SDK1: variants seen among roughly 807,000 people sequenced by gnomAD.
SDK1 encodes protein sidekick-1.
In SDK1, 157 loss-of-function variants were observed where a neutral mutation model predicts 245.5. The observed-to-expected ratio is 0.64, with a 90% CI of 0.56 to 0.73. SDK1 has a LOEUF of 0.73. SDK1 is among the 30% of genes least tolerant of loss of function. The probability of loss-of-function intolerance (pLI) is 0.00; values close to 1 mark genes in which losing one functional copy is unlikely to be tolerated. For missense variants in SDK1, 3,583 were observed against 3,002.3 expected (o/e 1.19, Z -4.52); for synonymous variants, 1,647 against 1,278.5 (o/e 1.29, Z -6.15).
At chr7:3,888,419 C>G (rs923253532) in intron 5 of SDK1, among the ~76,000 whole-genome samples, 5 of 152,204 alleles carry the variant, frequency 3.3e-5, no homozygotes, top group Non-Finnish European at 7.3e-5. Flanking sequence ...CTCTGCAAGG[C>G]TTATGCTGTT....
chr7:4,053,386 G>A (rs1374230038), intron 19 of SDK1, among the ~76,000 whole-genome samples: 1 of 152,008 alleles, frequency 6.6e-6, no homozygotes, highest in Non-Finnish European at 1.5e-5. Flanking sequence ...AAACGATGCA[G>A]TATGGCCTTT....
intron 1 of SDK1, among the ~76,000 whole-genome samples, chr7:3,524,153 C>G (rs557401984): frequency 2.6e-5 from 4 of 152,104 alleles, no homozygotes; most frequent in Non-Finnish European, 5.9e-5. Context: ...GCAAGAACTT[C>G]CCAGAATGAA....
chr7:3,722,318 G>A (rs926706651), intron 4 of SDK1, among the ~76,000 whole-genome samples: 4 of 152,138 alleles, frequency 2.6e-5, no homozygotes, highest in Non-Finnish European at 4.4e-5. Flanking sequence ...AAGAACAGTC[G>A]AAGAGGAGTG....
chr7:3,881,973 A>G (rs1457975995), intron 5 of SDK1, among the ~76,000 whole-genome samples: 2 of 152,124 alleles, frequency 1.3e-5, no homozygotes, highest in South Asian at 2.1e-4. Flanking sequence ...GAGACTGGGT[A>G]ATTTATAAAG....
At chr7:4,235,121 G>A (rs1360328101) in intron 41 of SDK1, among the ~76,000 whole-genome samples, 1 of 152,128 alleles carries the variant, frequency 6.6e-6, no homozygotes, top group Non-Finnish European at 1.5e-5. Context: ...GAATTCCGGG[G>A]TTGCTCTGTG....
chr7:3,839,813 T>A (rs1056332154), intron 5 of SDK1, among the ~76,000 whole-genome samples: 1 of 152,220 alleles, frequency 6.6e-6, no homozygotes, highest in African/African-American at 2.4e-5. Context: ...CAAACCAGTT[T>A]TTTTAACATT....
rs540083269 is a variant in SDK1 at position 3,507,948 on chromosome 7, G to T, written c.299-111132G>T. On this transcript the variant is annotated intron_variant, in intron 1 of 44. Transcript: ENST00000404826. Reference sequence around the variant, plus strand: ...ACCTATCTCGGTCTTAATCTCACTTGATTCCTGGTGGCATTTGACACTGCT... The same window carrying T: ...ACCTATCTCGGTCTTAATCTCACTTTATTCCTGGTGGCATTTGACACTGCT... Among the ~76,000 whole-genome samples the T allele has an allele frequency of 7.2e-5, 11 of 152,192 alleles. No homozygotes were observed. The South Asian group carries it at 2.3e-3, about 32-fold the overall frequency.
chr7:3,886,252 C>G (rs1781336470), intron 5 of SDK1, among the ~76,000 whole-genome samples: 1 of 152,174 alleles, frequency 6.6e-6, no homozygotes, highest in Non-Finnish European at 1.5e-5. Flanking sequence ...TCTGGAACAT[C>G]TGGTCATTGT....
intron 14 of SDK1, among the ~76,000 whole-genome samples, chr7:3,994,122 AC>A (rs1393818516): frequency 6.6e-6 from 1 of 152,076 alleles, no homozygotes; most frequent in East Asian, 1.9e-4. Context: ...TCTTCTTATC[AC>A]ACATGCTTTT....
intron 1 of SDK1, among the ~76,000 whole-genome samples, chr7:3,387,142 C>A (rs919562113): frequency 3.3e-5 from 5 of 152,152 alleles, no homozygotes; most frequent in Non-Finnish European, 7.4e-5. Context: ...GGCATGATTT[C>A]AGGCCCGACT....
At chr7:3,494,364 C>T (rs1001081105) in intron 1 of SDK1, among the ~76,000 whole-genome samples, 3 of 152,104 alleles carry the variant, frequency 2.0e-5, no homozygotes, top group African/African-American at 7.2e-5. Context: ...AAATTTTAGT[C>T]TTGGGACATT....
chr7:3,527,161 T>C (rs1783166256), intron 1 of SDK1, among the ~76,000 whole-genome samples: 1 of 152,244 alleles, frequency 6.6e-6, no homozygotes. Flanking sequence ...CACATTTCTT[T>C]TAATGTGTCA....
intron 7 of SDK1, among the ~76,000 whole-genome samples, chr7:3,954,684 A>G (rs895888775): frequency 1.1e-4 from 15 of 140,906 alleles, no homozygotes; most frequent in Non-Finnish European, 2.0e-4. Flanking sequence ...CACCCTCTAC[A>G]CTGCACCATT....
At chr7:4,065,024 A>G (rs1779779634) in intron 19 of SDK1, among the ~76,000 whole-genome samples, 1 of 152,198 alleles carries the variant, frequency 6.6e-6, no homozygotes, top group African/African-American at 2.4e-5. Flanking sequence ...ACAGCTAACA[A>G]TGATGTATAT....
Position 3,497,086 on chromosome 7 carries a change from A to G in SDK1, c.299-121994A>G, listed in dbSNP as rs535667492. On this transcript the variant is annotated intron_variant, in intron 1 of 44. Coordinates refer to ENST00000404826, the MANE Select transcript of SDK1 (RefSeq NM_152744.4). Reference sequence around the variant, plus strand: ...ACAGTTAAAATTGTTCTAGAGAAGAATGTTTATTAACAGACAAGACAGTGC... The same window carrying G: ...ACAGTTAAAATTGTTCTAGAGAAGAGTGTTTATTAACAGACAAGACAGTGC... Among the ~76,000 whole-genome samples the G allele has an allele frequency of 1.3e-5, 2 of 152,354 alleles. 1 individual carries two copies. The highest frequency in any genetic ancestry group is 4.8e-5 in the African/African-American group (2 of 41,584).
rs371843477 is a variant in SDK1 at position 4,005,449 on chromosome 7, G to A, written c.2132-5517G>A. Among the ~76,000 whole-genome samples the A allele has an allele frequency of 1.1e-4, 16 of 143,320 alleles. 1 individual carries two copies. The East Asian group carries it at 1.5e-3, about 14-fold the overall frequency. The allele number at this position is 143,320 out of a possible 152,430, so 94.0% of individuals were successfully genotyped here. On this transcript the variant is annotated intron_variant, in intron 14 of 44. Transcript: ENST00000404826. ...GTGTGTGTGTGTGTTAATACTTCTT[G>A]GGTATTGCAGGTACTTCCTGCTGCA...
chr7:3,635,537 T>C (rs192426576), intron 2 of SDK1, among the ~76,000 whole-genome samples: 1 of 152,354 alleles, frequency 6.6e-6, no homozygotes, highest in Admixed American at 6.5e-5. Context: ...GCATACACTT[T>C]GTCTTTTACT....
intron 5 of SDK1, among the ~76,000 whole-genome samples, chr7:3,858,866 CTTTTT>C (rs11464569): frequency 1.5e-5 from 2 of 131,366 alleles, no homozygotes; most frequent in African/African-American, 6.0e-5. Flanking sequence ...TTTCTTTTTT[CTTTTT>C]TTTTTTTTTG....
intron 17 of SDK1, among the ~76,000 whole-genome samples, chr7:4,022,806 C>G (rs183322023): frequency 2.1e-5 from 3 of 144,430 alleles, no homozygotes; most frequent in African/African-American, 5.4e-5. Context: ...CAGAGTCTTG[C>G]TCTGTCTCCC....
Sources: allele counts gnomAD v4.1 joint callset (sites outside exome capture counted in the v4.1 genomes callset), GRCh38; gene constraint gnomAD v4.1.1; transcripts MANE v1.5; gene names NCBI Gene and HGNC (gene_info 2026-07-23, HGNC 2026-07-21).